The following ABCC1 variants were observed in gnomAD, a reference collection of about 807,000 sequenced individuals.
ABCC1 encodes multidrug resistance-associated protein 1.
ABCC1 carries 83 observed loss-of-function variants against 172.9 expected under a neutral mutation model. The ratio of observed to expected loss-of-function variants is 0.48; its 90% CI spans 0.40 to 0.58. The LOEUF is 0.58. Among genes scored for constraint, ABCC1 ranks in the 20% least tolerant of loss-of-function variants. The probability of loss-of-function intolerance (pLI) is 0.00; values close to 1 mark genes in which losing one functional copy is unlikely to be tolerated. For missense variants in ABCC1, 1,817 were observed against 2,002.7 expected (o/e 0.91, Z 1.77); for synonymous variants, 937 against 825.2 (o/e 1.14, Z -2.32).
intron 12 of ABCC1, among the ~76,000 whole-genome samples, chr16:16,057,006 A>G (rs1325801495): frequency 1.3e-5 from 2 of 152,174 alleles, no homozygotes; most frequent in Non-Finnish European, 2.9e-5. Context: ...AGTGTCTCAT[A>G]GGCCACATGT....
intron 21 of ABCC1, among the ~76,000 whole-genome samples, chr16:16,108,394 C>T (rs1208323234): frequency 1.1e-4 from 17 of 151,380 alleles, no homozygotes. Context: ...CCTCAGCCTC[C>T]CGAGTAGCTG....
Position 16,076,197 on chromosome 16 carries a change from G to A in ABCC1, c.1913-129G>A, listed in dbSNP as rs140076220. The A allele has an allele frequency of 5.8e-6, 5 of 868,524 alleles. No individual in the cohort carries two copies. In the African/African-American group the frequency reaches 7.0e-5, roughly 12 times the overall value. 53.8% of individuals were successfully genotyped at this position (868,524 alleles called of 1,614,324 possible). A position where few individuals can be genotyped will look rare whatever the true frequency, so the allele number is the denominator to read the frequency against. ...TCAGAACCCGTGGCTGATGTCACCA[G>A]ATAATAATGCCTAGCGCCATTCGTG... is the stretch of plus-strand genomic sequence containing the variant. On this transcript the variant is annotated intron_variant, in intron 14 of 30. Transcript: ENST00000399410.
chr16:16,122,213 C>T lies in ABCC1; in HGVS notation c.3590+39C>T, dbSNP rs45517635. 1.4e-3 allele frequency: 2,207 copies of T among 1,603,606 alleles called. 33 individuals are homozygous for T. In the African/African-American group the frequency reaches 0.024, roughly 18 times the overall value. On this transcript the variant is annotated intron_variant, in intron 24 of 30. Transcript: ENST00000399410. ...GCCTGCAGGAGCGGGTGGAGGAGGC[C>T]GCCTTAGCACCTTGTCTCTTTGCCT... is the stretch of plus-strand genomic sequence containing the variant.
At chr16:16,122,318 C>T (rs1205349301) in intron 24 of ABCC1, 144 bp downstream of exon 24, 8 of 847,254 alleles carry the variant, frequency 9.4e-6, no homozygotes, top group Admixed American at 7.8e-5. Context: ...TTGATGAGCG[C>T]GGAGGACAGA....
Position 16,129,916 on chromosome 16 carries a change from C to T in ABCC1, c.3820-1873C>T, listed in dbSNP as rs115236708. On this transcript the variant is annotated intron_variant, in intron 26 of 30. Coordinates refer to ENST00000399410, the MANE Select transcript of ABCC1 (RefSeq NM_004996.4). ...TGCCCGGCGTTTTCTTGTTATGTGC[C>T]GTCTGCAGTGCCCCTGAGCTTGGCC... is the stretch of plus-strand genomic sequence containing the variant. 4.4e-3 allele frequency among the ~76,000 whole-genome samples: 675 copies of T among 152,346 alleles called. 3 individuals are homozygous for T. The highest frequency in any genetic ancestry group is 0.016 in the African/African-American group (650 of 41,576).
At position 16,141,137 on chromosome 16, in the gene ABCC1, C is replaced by T. The variant is rs45550037; in HGVS notation, c.4488-36C>T. Reference sequence around the variant, plus strand: ...CCAGGGGCACGAGGTGCTCACCCCTCCCCTTCCCCTCATGTCTGTATCCCC... The same window carrying T: ...CCAGGGGCACGAGGTGCTCACCCCTTCCCTTCCCCTCATGTCTGTATCCCC... On this transcript the variant is annotated intron_variant, in intron 30 of 30. Coordinates refer to ENST00000399410, the MANE Select transcript of ABCC1 (RefSeq NM_004996.4). 3.8e-4 allele frequency: 600 copies of T among 1,593,328 alleles called. 4 individuals carry two copies. The African/African-American group carries it at 6.8e-3, about 18-fold the overall frequency.
chr16:16,114,208 C>T (rs1286478730), intron 22 of ABCC1, among the ~76,000 whole-genome samples: 1 of 152,224 alleles, frequency 6.6e-6, no homozygotes, highest in Non-Finnish European at 1.5e-5. Flanking sequence ...GTTTTCTTAT[C>T]TGTAAGTTGG....
intron 23 of ABCC1, among the ~76,000 whole-genome samples, chr16:16,115,613 T>C (rs1455067399): frequency 6.6e-6 from 1 of 152,080 alleles, no homozygotes; most frequent in East Asian, 1.9e-4. Context: ...TCCCCAAGTG[T>C]TGGGATTACA....
chr16:16,063,145 C>T (rs937175242), intron 12 of ABCC1, among the ~76,000 whole-genome samples: 17 of 152,158 alleles, frequency 1.1e-4, no homozygotes, highest in East Asian at 3.9e-4. Context: ...CTCATTCTGC[C>T]GCCCAGGCTG....
intron 26 of ABCC1, among the ~76,000 whole-genome samples, chr16:16,127,916 G>GT (rs371440132): frequency 0.089 from 11,430 of 128,322 alleles, 493 homozygotes; most frequent in Middle Eastern, 0.12. Context: ...ATTTCATTAG[G>GT]TTTTTTTTTT....
chr16:16,009,893 A>G lies in ABCC1; in HGVS notation c.343A>G (p.Ile115Val). 1 of 1,602,482 alleles carries G rather than the reference A, an allele frequency of 6.2e-7. No homozygotes were observed. Among genetic ancestry groups the G allele is most frequent in the South Asian group, 1.1e-5 (1 of 88,870 alleles). Residue 115 changes from isoleucine (I) to valine (V), a missense_variant, in exon 3 of 31, where the codon ATC (isoleucine) becomes GTC (valine). By Grantham distance (29) the Ile-to-Val change is conservative. Transcript: ENST00000399410. The stretch of plus-strand genomic sequence containing the variant: ...TCTGGTCAGCCCAACTCTCTTGGGC[A>G]TCACCATGGTAAGTAGGAGCTGGCT... Reference protein sequence around the residue: ...VFLVSPTLLGITMLLATFLIQ... With the variant: ...VFLVSPTLLGVTMLLATFLIQ...
intron 23 of ABCC1, 40 bp downstream of exon 23, chr16:16,115,116 G>A (rs1336377252): frequency 3.8e-6 from 6 of 1,587,784 alleles, no homozygotes; most frequent in Non-Finnish European, 5.2e-6. Flanking sequence ...AAGCCCTACT[G>A]TGCATTATAT....
chr16:16,073,146 A>G (rs142132375), intron 14 of ABCC1, among the ~76,000 whole-genome samples: 85 of 152,200 alleles, frequency 5.6e-4, no homozygotes, highest in African/African-American at 1.8e-3. Flanking sequence ...AAGGATGTCA[A>G]TGTCCCAACT....
chr16:16,084,410 C>T (rs1467116412), intron 17 of ABCC1, among the ~76,000 whole-genome samples: 2 of 148,688 alleles, frequency 1.3e-5, no homozygotes, highest in Admixed American at 6.9e-5. Flanking sequence ...GTCGCCCAGG[C>T]TAGAGTGTAG....
chr16:16,038,167 A>T (rs1176335087), intron 7 of ABCC1, among the ~76,000 whole-genome samples: 1 of 152,056 alleles, frequency 6.6e-6, no homozygotes, highest in Non-Finnish European at 1.5e-5. Context: ...TGATAGATAG[A>T]TGGATGATTG....
chr16:15,969,999 G>A (rs1374114050), intron 1 of ABCC1, among the ~76,000 whole-genome samples: 1 of 152,170 alleles, frequency 6.6e-6, no homozygotes, highest in Non-Finnish European at 1.5e-5. Context: ...GCTATGAAGG[G>A]GAGCTGCGTG....
At chr16:16,052,950 G>A in intron 11 of ABCC1, 134 bp downstream of exon 11, 5 of 758,952 alleles carry the variant, frequency 6.6e-6, no homozygotes, top group Non-Finnish European at 1.1e-5. Context: ...CACTTGGGGA[G>A]CCTTAACAAA....
intron 12 of ABCC1, chr16:16,056,631 T>TGC: frequency 2.9e-6 from 1 of 345,614 alleles, no homozygotes; most frequent in Admixed American, 4.5e-5. Flanking sequence ...ATCACGCCAG[T>TGC]GCACTCCAGC....
At chr16:16,081,818 G>C (rs748834338) in intron 16 of ABCC1, among the ~76,000 whole-genome samples, 1 of 152,070 alleles carries the variant, frequency 6.6e-6, no homozygotes, top group Non-Finnish European at 1.5e-5. Flanking sequence ...TCAGGAGTTT[G>C]AGACCAGCCT....
Sources: gnomAD v4.1 joint callset for allele counts (sites outside exome capture counted in the v4.1 genomes callset) on GRCh38, gnomAD v4.1.1 for gene constraint, MANE v1.5 for transcripts, NCBI Gene and HGNC (gene_info 2026-07-23, HGNC 2026-07-21) for gene names.